The following NDE1 variants were observed in gnomAD, a reference collection of about 807,000 sequenced individuals.
NDE1 encodes the protein nuclear distribution protein nudE homolog 1.
A neutral mutation model predicts 43.4 loss-of-function variants in NDE1; 28 were observed. That is an observed-to-expected ratio of 0.65 (90% CI 0.48 to 0.89). The LOEUF (loss-of-function observed/expected upper bound fraction) is 0.89, where lower values mean the gene tolerates loss of function less well. NDE1 is among the 40% of genes least tolerant of loss of function. NDE1 has a pLI of 0.00. For synonymous variants in NDE1, 184 were observed against 172.0 expected (o/e 1.07, Z -0.55); for missense variants, 441 against 434.1 (o/e 1.02, Z -0.14).
intron 1 of NDE1, among the ~76,000 whole-genome samples, chr16:15,663,966 G>T (rs1052287322): frequency 9.2e-5 from 14 of 152,142 alleles, no homozygotes; most frequent in African/African-American, 3.4e-4. Context: ...TTGCTCGGGA[G>T]GCTGAGGCAC....
In NDE1 at chr16:15,694,190, C is replaced by G. The variant is rs777477880; in HGVS notation, c.729C>G (p.Thr243=). Residue 243 remains threonine (T), a synonymous_variant, in exon 7 of 9, where the codon ACC becomes ACG. Coordinates refer to ENST00000396354, the MANE Select transcript of NDE1 (RefSeq NM_017668.3). The part of the protein sequence containing the change: ...RRGLDDSTGG[T]PLTPAARISA... The stretch of plus-strand genomic sequence containing the variant: ...GCCTGGACGACTCCACCGGGGGGAC[C>G]CCCCTCACACCTGCGGCCCGGATAT... The G allele has an allele frequency of 6.2e-7, 1 of 1,613,046 alleles. No individual in the cohort carries two copies. Among genetic ancestry groups the G allele is most frequent in the Admixed American group, 1.7e-5 (1 of 60,006 alleles).
chr16:15,674,162 T>C (rs1490733041), intron 3 of NDE1, among the ~76,000 whole-genome samples: 1 of 152,148 alleles, frequency 6.6e-6, no homozygotes, highest in Admixed American at 6.6e-5. Context: ...CTTTGGTAAT[T>C]AACAAGATCT....
intron 6 of NDE1, among the ~76,000 whole-genome samples, chr16:15,691,830 T>C (rs1400828209): frequency 6.6e-6 from 1 of 151,718 alleles, no homozygotes. Context: ...AGTCTTGCCA[T>C]GTCGCCCAGG....
chr16:15,683,868 A>G (rs754451210), intron 4 of NDE1, among the ~76,000 whole-genome samples: 8 of 152,030 alleles, frequency 5.3e-5, no homozygotes, highest in Non-Finnish European at 1.2e-4. Context: ...TCTAGAAACA[A>G]ATATAAAAAC....
upstream of NDE1, among the ~76,000 whole-genome samples, chr16:15,646,745 TA>T (rs1416302141): frequency 6.7e-6 from 1 of 149,936 alleles, no homozygotes; most frequent in Non-Finnish European, 1.5e-5. Flanking sequence ...AATAAGTAAA[TA>T]AGTAATAAAA....
chr16:15,688,809 T>C (rs2038583710), intron 5 of NDE1, among the ~76,000 whole-genome samples: 1 of 144,274 alleles, frequency 6.9e-6, no homozygotes, highest in South Asian at 2.4e-4. Flanking sequence ...GCGATTCCCC[T>C]GCTTCAGCCT....
At chr16:15,704,909 G>A (rs1304934016) in intron 8 of NDE1, among the ~76,000 whole-genome samples, 2 of 151,994 alleles carry the variant, frequency 1.3e-5, no homozygotes, top group Non-Finnish European at 2.9e-5. Flanking sequence ...GAACTCCTGA[G>A]CTCAAGCAGT....
At chr16:15,692,370 G>A (rs1351303623) in intron 6 of NDE1, among the ~76,000 whole-genome samples, 3 of 152,218 alleles carry the variant, frequency 2.0e-5, no homozygotes, top group Non-Finnish European at 1.5e-5. Context: ...CCCTGGGCAT[G>A]AAGAGACCAG....
intron 4 of NDE1, among the ~76,000 whole-genome samples, chr16:15,682,968 G>T (rs1010788173): frequency 6.6e-6 from 1 of 152,010 alleles, no homozygotes; most frequent in African/African-American, 2.4e-5. Flanking sequence ...GCCTCCCAAA[G>T]TGCTGGGATT....
At chr16:15,692,801 A>G (rs749311400) in intron 6 of NDE1, among the ~76,000 whole-genome samples, 6 of 150,538 alleles carry the variant, frequency 4.0e-5, no homozygotes, top group African/African-American at 4.9e-5. Flanking sequence ...CAGTGGTGCA[A>G]TCATAGCTCA....
rs139162643 is a variant in NDE1 at position 15,663,577 on chromosome 16, C to T, written c.-43-1159C>T. On this transcript the variant is annotated intron_variant, in intron 1 of 8. Coordinates refer to ENST00000396354, the MANE Select transcript of NDE1 (RefSeq NM_017668.3). ...CTTTCACATGCTCCTCATGTGTCGC[C>T]TCTTCTAGGAAGCCTTCCTTGACTT... Among the ~76,000 whole-genome samples the T allele has an allele frequency of 2.6e-3, 390 of 152,226 alleles. 5 individuals are homozygous for T. Among genetic ancestry groups the T allele is most frequent in the African/African-American group, 8.7e-3 (362 of 41,534 alleles).
chr16:15,670,690 C>G (rs932526086), intron 3 of NDE1, among the ~76,000 whole-genome samples: 2 of 150,554 alleles, frequency 1.3e-5, no homozygotes, highest in African/African-American at 4.9e-5. Context: ...AAAGAAAGGA[C>G]TGCATGGGTT....
chr16:15,692,423 T>A (rs2038799917), intron 6 of NDE1, among the ~76,000 whole-genome samples: 1 of 152,170 alleles, frequency 6.6e-6, no homozygotes, highest in South Asian at 2.1e-4. Flanking sequence ...CTGTTTAGTT[T>A]TGTTGAGATG....
At chr16:15,680,217 G>C (rs1300033571) in intron 4 of NDE1, among the ~76,000 whole-genome samples, 2 of 152,096 alleles carry the variant, frequency 1.3e-5, no homozygotes, top group Non-Finnish European at 2.9e-5. Context: ...GCCGTAACTG[G>C]GCTGCTTTGT....
chr16:15,653,468 C>T (rs1179418222), intron 1 of NDE1, among the ~76,000 whole-genome samples: 1 of 152,116 alleles, frequency 6.6e-6, no homozygotes, highest in Admixed American at 6.6e-5. Flanking sequence ...TTTCTCTTCC[C>T]TCCTGCTCTT....
chr16:15,701,499 C>A (rs913589423), intron 8 of NDE1: 4 of 152,172 alleles, frequency 2.6e-5, no homozygotes, highest in African/African-American at 7.2e-5. Flanking sequence ...AAGAACAGGA[C>A]TTCATTCAAA....
In NDE1 at chr16:15,725,079, T is replaced by C; in HGVS notation, c.*828T>C. On this transcript the variant is annotated 3_prime_UTR_variant, in exon 9 of 9. Transcript: ENST00000396354. The stretch of plus-strand genomic sequence containing the variant: ...CCCTTTTTACTCAAAACACATGGGC[T>C]AGTACTTGAGGTGTTCACTGATTGA... The C allele has an allele frequency of 9.3e-7, 1 of 1,077,826 alleles. No individual in the cohort carries two copies. The highest frequency in any genetic ancestry group is 2.5e-5 in the East Asian group (1 of 39,446). The allele number at this position is 1,077,826 out of a possible 1,614,324, so 66.8% of individuals were successfully genotyped here. A position where few individuals can be genotyped will look rare whatever the true frequency, so the allele number is the denominator to read the frequency against.
chr16:15,709,030 C>A (rs754546142), intron 8 of NDE1, among the ~76,000 whole-genome samples: 12 of 152,042 alleles, frequency 7.9e-5, no homozygotes, highest in Non-Finnish European at 1.8e-4. Context: ...GCAACCTCTA[C>A]GTCCTGGATT....
intron 8 of NDE1, chr16:15,704,201 A>T: frequency 6.4e-7 from 1 of 1,571,468 alleles, no homozygotes; most frequent in East Asian, 2.2e-5. Context: ...ATCTATTTTA[A>T]ACTTGTAGCT....
Sources: gnomAD v4.1 joint callset for allele counts (sites outside exome capture counted in the v4.1 genomes callset) on GRCh38, gnomAD v4.1.1 for gene constraint, MANE v1.5 for transcripts, NCBI Gene and HGNC (gene_info 2026-07-23, HGNC 2026-07-21) for gene names.